Variants in MARCHF1 observed in about 807,000 individuals in gnomAD.
MARCHF1 encodes membrane associated ring-CH-type finger 1.
MARCHF1 carries 40 observed loss-of-function variants against 54.2 expected under a neutral mutation model. That is an observed-to-expected ratio of 0.74 (90% CI 0.57 to 0.96). The LOEUF is 0.96. Among genes scored for constraint, MARCHF1 ranks in the 40% least tolerant of loss-of-function variants. The pLI, the probability that MARCHF1 is intolerant of heterozygous loss-of-function variation, is 0.00. For missense variants in MARCHF1, 586 were observed against 656.5 expected (o/e 0.89, Z 1.17); for synonymous variants, 236 against 236.3 (o/e 1.00, Z 0.01).
chr4:164,160,108 G>A (rs138141147), intron 1 of MARCHF1, among the ~76,000 whole-genome samples: 2 of 152,048 alleles, frequency 1.3e-5, no homozygotes, highest in African/African-American at 4.8e-5. Flanking sequence ...CCTAATTATG[G>A]ATAAAGTATA....
At chr4:163,959,952 C>T (rs1384626982) in intron 3 of MARCHF1, among the ~76,000 whole-genome samples, 1 of 151,510 alleles carries the variant, frequency 6.6e-6, no homozygotes, top group Non-Finnish European at 1.5e-5. Flanking sequence ...GTATAAGGAA[C>T]AAATTTATAA....
intron 3 of MARCHF1, among the ~76,000 whole-genome samples, chr4:163,879,427 G>A (rs1029860286): frequency 1.3e-5 from 2 of 152,086 alleles, no homozygotes; most frequent in Non-Finnish European, 2.9e-5. Flanking sequence ...TCCTTCATGG[G>A]ATAAAAAATA....
intron 9 of MARCHF1, among the ~76,000 whole-genome samples, chr4:163,540,981 C>T (rs541154940): frequency 6.6e-5 from 10 of 152,140 alleles, no homozygotes; most frequent in Admixed American, 1.3e-4. Flanking sequence ...GAGCCAAGAT[C>T]GCACCACTGC....
chr4:163,750,006 T>C (rs1390648784), intron 4 of MARCHF1, among the ~76,000 whole-genome samples: 2 of 151,758 alleles, frequency 1.3e-5, no homozygotes, highest in Admixed American at 1.3e-4. Context: ...GAGGCAAAGG[T>C]TGCAGTGAGC....
At chr4:164,207,449 A>C (rs1190072958) in intron 1 of MARCHF1, among the ~76,000 whole-genome samples, 1 of 152,264 alleles carries the variant, frequency 6.6e-6, no homozygotes, top group Non-Finnish European at 1.5e-5. Context: ...CACAACAATA[A>C]ATGTATAAAT....
intron 1 of MARCHF1, among the ~76,000 whole-genome samples, chr4:164,143,018 G>A (rs1401656443): frequency 3.3e-5 from 5 of 150,144 alleles, no homozygotes; most frequent in African/African-American, 4.9e-5. Context: ...AGAACTAAGT[G>A]AAGAATGCAG....
chr4:163,724,307 G>A (rs1357059462), intron 4 of MARCHF1, among the ~76,000 whole-genome samples: 2 of 152,238 alleles, frequency 1.3e-5, no homozygotes, highest in African/African-American at 4.8e-5. Context: ...GGTATAAGCA[G>A]CAGAGGCTGC....
chr4:164,318,386 T>G (rs972946692), intron 1 of MARCHF1, among the ~76,000 whole-genome samples: 1 of 152,192 alleles, frequency 6.6e-6, no homozygotes, highest in African/African-American at 2.4e-5. Context: ...CAATTCTCCC[T>G]TCTGTGGAGT....
chr4:164,259,152 G>T, intron 1 of MARCHF1, among the ~76,000 whole-genome samples: 1 of 152,012 alleles, frequency 6.6e-6, no homozygotes, highest in South Asian at 2.1e-4. Context: ...CATTTTCTAT[G>T]CTGTAGAGGC....
intron 2 of MARCHF1, among the ~76,000 whole-genome samples, chr4:164,096,630 A>C (rs1167296422): frequency 2.0e-5 from 3 of 152,100 alleles, no homozygotes; most frequent in Admixed American, 6.6e-5. Flanking sequence ...AATATGTAAG[A>C]GCAAATAAGG....
At chr4:164,053,768 C>A (rs906653844) in intron 2 of MARCHF1, among the ~76,000 whole-genome samples, 2 of 152,132 alleles carry the variant, frequency 1.3e-5, no homozygotes, top group Non-Finnish European at 2.9e-5. Context: ...CAAACTATAT[C>A]CAGAGTTGGT....
At chr4:164,377,931 A>G (rs977076855) in intron 1 of MARCHF1, among the ~76,000 whole-genome samples, 2 of 152,220 alleles carry the variant, frequency 1.3e-5, no homozygotes, top group African/African-American at 4.8e-5. Context: ...CAGTTTTACC[A>G]TCAAGAAATG....
At chr4:164,043,984 A>T (rs1754186839) in intron 2 of MARCHF1, among the ~76,000 whole-genome samples, 1 of 152,178 alleles carries the variant, frequency 6.6e-6, no homozygotes, top group African/African-American at 2.4e-5. Flanking sequence ...AAAGTTGCTC[A>T]TCTCCATCTG....
chr4:163,934,142 A>G (rs1466925893), intron 3 of MARCHF1, among the ~76,000 whole-genome samples: 1 of 152,204 alleles, frequency 6.6e-6, no homozygotes, highest in African/African-American at 2.4e-5. Context: ...TAGTATTGTT[A>G]TTTAGAGATT....
At chr4:163,742,397 C>T (rs9991220) in intron 4 of MARCHF1, among the ~76,000 whole-genome samples, 7,212 of 91,436 alleles carry the variant, frequency 0.079, 454 homozygotes, top group Non-Finnish European at 0.12. Context: ...CTTCCTTCCT[C>T]CCTTCCTTCC....
chr4:164,001,779 C>T (rs765032275), intron 2 of MARCHF1, among the ~76,000 whole-genome samples: 19 of 151,630 alleles, frequency 1.3e-4, no homozygotes, highest in Non-Finnish European at 2.4e-4. Context: ...CAGAGAGAAA[C>T]GAGCTATAAA....
chr4:164,193,856 G>C (rs1731185805), intron 1 of MARCHF1, among the ~76,000 whole-genome samples: 1 of 152,142 alleles, frequency 6.6e-6, no homozygotes. Context: ...TAAACAAGCT[G>C]TCTCTAAGAA....
intron 8 of MARCHF1, among the ~76,000 whole-genome samples, chr4:163,554,023 G>A (rs1454588630): frequency 6.6e-6 from 1 of 152,122 alleles, no homozygotes; most frequent in Non-Finnish European, 1.5e-5. Flanking sequence ...CATTTTTGGG[G>A]TTAGCTGATA....
chr4:164,016,808 T>C (rs965148572), intron 2 of MARCHF1, among the ~76,000 whole-genome samples: 2 of 152,078 alleles, frequency 1.3e-5, no homozygotes, highest in African/African-American at 2.4e-5. Flanking sequence ...AAGAGCGGAA[T>C]TGGAATGTTT....
Sources: allele counts gnomAD v4.1 joint callset (sites outside exome capture counted in the v4.1 genomes callset), GRCh38; gene constraint gnomAD v4.1.1; transcripts MANE v1.5; gene names NCBI Gene and HGNC (gene_info 2026-07-23, HGNC 2026-07-21).